ENPP3: variants seen among roughly 807,000 people sequenced by gnomAD.
ENPP3 encodes ectonucleotide pyrophosphatase/phosphodiesterase family member 3.
ENPP3 carries 104 observed loss-of-function variants against 117.8 expected under a neutral mutation model. The observed-to-expected ratio is 0.88, with a 90% CI of 0.75 to 1.04. ENPP3 has a LOEUF of 1.04. Among genes scored for constraint, ENPP3 ranks in the 50% least tolerant of loss-of-function variants. The pLI, the probability that ENPP3 is intolerant of heterozygous loss-of-function variation, is 0.00. For missense variants in ENPP3, 1,026 were observed against 1,051.9 expected, an observed-to-expected ratio of 0.98 and a Z score of 0.34; for synonymous variants, 380 against 349.9, an observed-to-expected ratio of 1.09 and a Z score of -0.96.
At chr6:131,683,671 A>G (rs1779080835) in intron 12 of ENPP3, among the ~76,000 whole-genome samples, 1 of 152,086 alleles carries the variant, frequency 6.6e-6, no homozygotes, top group Non-Finnish European at 1.5e-5. Flanking sequence ...AAGGAAGTGA[A>G]ACAGTGGAGA....
At chr6:131,637,536 T>C (rs1777952633) in intron 1 of ENPP3, 74 bp downstream of exon 1, 2 of 801,592 alleles carry the variant, frequency 2.5e-6, no homozygotes, top group Non-Finnish European at 3.9e-6. Flanking sequence ...CCCATTTACA[T>C]TTCTTTGTGT....
chr6:131,658,934 T>C (rs75603434), intron 6 of ENPP3, among the ~76,000 whole-genome samples: 8 of 152,336 alleles, frequency 5.3e-5, no homozygotes, highest in Admixed American at 6.5e-5. Context: ...CTTCACCTTT[T>C]AGTGACCCAG....
intron 10 of ENPP3, among the ~76,000 whole-genome samples, chr6:131,677,054 AG>A (rs1335532416): frequency 6.6e-6 from 1 of 151,820 alleles, no homozygotes; most frequent in Non-Finnish European, 1.5e-5. Flanking sequence ...TGGACAACAC[AG>A]TGAGATACTG....
intron 20 of ENPP3, among the ~76,000 whole-genome samples, chr6:131,730,564 A>G (rs760257063): frequency 5.3e-5 from 8 of 152,216 alleles, no homozygotes; most frequent in Admixed American, 3.3e-4. Flanking sequence ...TACTCTGCCT[A>G]TACACTTAAT....
Position 131,644,063 on chromosome 6 carries a change from G to A in ENPP3, c.154+2533G>A, listed in dbSNP as rs1007453369. 2.6e-5 allele frequency among the ~76,000 whole-genome samples: 4 copies of A among 152,116 alleles called. No homozygotes were observed. In the South Asian group the frequency reaches 6.2e-4, roughly 24 times the overall value. ...TTCCAGGTCAGAAGGACTATCAAGT[G>A]CAAAGGCCAAAGGCAGGACCTTGCC... On this transcript the variant is annotated intron_variant, in intron 2 of 24. Transcript: ENST00000357639.
In ENPP3 at chr6:131,728,086, AACAGTT is replaced by A. The variant is rs1393231833; in HGVS notation, c.1953+1889_1953+1894del. Among the ~76,000 whole-genome samples, 8 of 152,338 alleles carry A rather than the reference AACAGTT, an allele frequency of 5.3e-5. No homozygotes were observed. The East Asian group carries it at 1.5e-3, about 29-fold the overall frequency. On this transcript the variant is annotated intron_variant, in intron 20 of 24. Coordinates refer to ENST00000357639, the MANE Select transcript of ENPP3 (RefSeq NM_005021.5). ...TGCCAGTGTGGGCAAATATTTTACC[AACAGTT>A]ACCTGAGTTCATATGGACGGTTGGT...
chr6:131,702,431 G>A (rs1314329367), intron 15 of ENPP3, among the ~76,000 whole-genome samples: 2 of 151,912 alleles, frequency 1.3e-5, no homozygotes, highest in African/African-American at 2.4e-5. Flanking sequence ...ATTATTTTTT[G>A]TTATTTACTT....
intron 11 of ENPP3, among the ~76,000 whole-genome samples, chr6:131,681,121 C>T (rs1779014836): frequency 6.6e-6 from 1 of 152,270 alleles, no homozygotes; most frequent in Admixed American, 6.5e-5. Flanking sequence ...CAGTAACTCT[C>T]GCTGGCAAAC....
chr6:131,685,848 T>C, intron 13 of ENPP3, 28 bp from the exon 14 acceptor site: 1 of 892,696 alleles, frequency 1.1e-6, no homozygotes, highest in Non-Finnish European at 1.8e-6. Flanking sequence ...AATTGTAATG[T>C]CATTTATTTC....
chr6:131,716,015 G>A (rs141425334), intron 15 of ENPP3, among the ~76,000 whole-genome samples: 71 of 134,564 alleles, frequency 5.3e-4, no homozygotes, highest in Non-Finnish European at 8.5e-4. Context: ...TGGAGATACC[G>A]CACAGGAAGA....
chr6:131,646,705 T>C (rs2114300303), intron 2 of ENPP3, among the ~76,000 whole-genome samples: 1 of 150,942 alleles, frequency 6.6e-6, no homozygotes, highest in Non-Finnish European at 1.5e-5. Context: ...AACGACACCC[T>C]GGGACCTCCC....
intron 5 of ENPP3, among the ~76,000 whole-genome samples, chr6:131,656,419 T>A (rs577705037): frequency 6.6e-6 from 1 of 152,346 alleles, no homozygotes; most frequent in South Asian, 2.1e-4. Flanking sequence ...AAGTACTGTA[T>A]AAGTTAATAT....
intron 15 of ENPP3, chr6:131,701,466 C>A (rs1490267746): frequency 1.5e-6 from 1 of 666,270 alleles, no homozygotes; most frequent in Non-Finnish European, 2.7e-6. Context: ...AAAACAGATT[C>A]ATTTTAACTT....
At chr6:131,680,094 T>A (rs140449297) in intron 11 of ENPP3, among the ~76,000 whole-genome samples, 1 of 152,112 alleles carries the variant, frequency 6.6e-6, no homozygotes, top group Non-Finnish European at 1.5e-5. Context: ...ATCACTTTTA[T>A]TGTGTAAGAG....
intron 16 of ENPP3, 132 bp from the exon 17 acceptor site, chr6:131,720,160 T>A: frequency 1.8e-6 from 1 of 541,974 alleles, no homozygotes; most frequent in Non-Finnish European, 3.3e-6. Context: ...TTTTCAAAAC[T>A]AAAAAAAAAT....
At chr6:131,653,618 G>A (rs1186500395) in intron 5 of ENPP3, among the ~76,000 whole-genome samples, 1 of 152,050 alleles carries the variant, frequency 6.6e-6, no homozygotes, top group Admixed American at 6.6e-5. Flanking sequence ...GTCTCGCAAT[G>A]TTGGCTAGGT....
chr6:131,694,328 G>A (rs1779354076), intron 15 of ENPP3, among the ~76,000 whole-genome samples: 1 of 152,180 alleles, frequency 6.6e-6, no homozygotes. Context: ...TCTGTCTCCT[G>A]CTCTCATGTA....
Position 131,683,172 on chromosome 6 carries a change from TA to T in ENPP3, c.1120+16del, listed in dbSNP as rs1389865555. ...CTTCTGGCTGACCATGGTATGCTTT[TA>T]AAAAACATTCTTATTTTATCATTGA... is the stretch of plus-strand genomic sequence containing the variant. On this transcript the variant is annotated intron_variant, in intron 12 of 24. Coordinates refer to ENST00000357639, the MANE Select transcript of ENPP3 (RefSeq NM_005021.5). The T allele has an allele frequency of 7.3e-7, 1 of 1,369,204 alleles. No homozygotes were observed. Among genetic ancestry groups the T allele is most frequent in the Admixed American group, 1.8e-5 (1 of 55,016 alleles). The allele number at this position is 1,369,204 out of a possible 1,614,324, so 84.8% of individuals were successfully genotyped here. A position where few individuals can be genotyped will look rare whatever the true frequency, so the allele number is the denominator to read the frequency against.
At chr6:131,640,548 C>CA (rs199534660) in intron 1 of ENPP3, among the ~76,000 whole-genome samples, 1,806 of 152,180 alleles carry the variant, frequency 0.012, 36 homozygotes, top group African/African-American at 0.042. Context: ...AAACAATCCT[C>CA]AAAAAAATAA....
Sources: gnomAD v4.1 joint callset for allele counts (sites outside exome capture counted in the v4.1 genomes callset) on GRCh38, gnomAD v4.1.1 for gene constraint, MANE v1.5 for transcripts, NCBI Gene and HGNC (gene_info 2026-07-23, HGNC 2026-07-21) for gene names.